TMSB15B: variants seen among roughly 807,000 people sequenced by gnomAD.
TMSB15B encodes the protein thymosin beta 15B, also known as thymosin beta-15B.
intron 1 of TMSB15B, among the ~76,000 whole-genome samples, chrX:103,920,216 T>C (rs2074948129): frequency 8.9e-6 from 1 of 111,902 alleles, no homozygotes; most frequent in Non-Finnish European, 1.9e-5. Flanking sequence ...GAAGCCAAAA[T>C]TTGGACCGAA....
intron 1 of TMSB15B, chrX:103,919,314 C>T (rs1393346623): frequency 8.9e-6 from 1 of 112,755 alleles, no homozygotes; most frequent in Non-Finnish European, 1.9e-5. Flanking sequence ...GCTACCCCGT[C>T]GCTTCCCTTC....
At chrX:103,945,575 C>A (rs1556327171) in intron 1 of TMSB15B, among the ~76,000 whole-genome samples, 1 of 112,214 alleles carries the variant, frequency 8.9e-6, no homozygotes, top group Non-Finnish European at 1.9e-5. Flanking sequence ...TTAAATATTC[C>A]ACCCCCTCTC....
At chrX:103,927,935 G>T (rs1556319177) in intron 1 of TMSB15B, among the ~76,000 whole-genome samples, 2 of 112,128 alleles carry the variant, frequency 1.8e-5, no homozygotes, top group African/African-American at 6.5e-5. Flanking sequence ...TTATATATCA[G>T]AAACTGGCTC....
chrX:103,943,605 A>G (rs1370516653), intron 1 of TMSB15B, among the ~76,000 whole-genome samples: 4 of 111,808 alleles, frequency 3.6e-5, no homozygotes, highest in African/African-American at 6.5e-5. Flanking sequence ...ATAAAATCCA[A>G]ACCACTTGGC....
chrX:103,938,059 A>G (rs1471676404), intron 1 of TMSB15B, among the ~76,000 whole-genome samples: 1 of 111,531 alleles, frequency 9.0e-6, no homozygotes, highest in Non-Finnish European at 1.9e-5. Context: ...GTTCTTTTGC[A>G]TTTGCTGAGG....
chrX:103,945,373 T>G (rs1280679387), intron 1 of TMSB15B, among the ~76,000 whole-genome samples: 1 of 111,789 alleles, frequency 8.9e-6, no homozygotes. Context: ...TGGCAAAACA[T>G]GGCAGAGAAA....
chrX:103,947,209 A>T (rs2075027821), intron 1 of TMSB15B, among the ~76,000 whole-genome samples: 1 of 112,149 alleles, frequency 8.9e-6, no homozygotes, highest in African/African-American at 3.2e-5. Context: ...TTAACTACAA[A>T]TTCACGACAA....
chrX:103,929,160 C>G (rs2074977798), intron 1 of TMSB15B: 1 of 426,469 alleles, frequency 2.3e-6, no homozygotes, highest in Admixed American at 4.3e-5. Flanking sequence ...AAGTTCCCAA[C>G]TACCAACCTG....
intron 1 of TMSB15B, chrX:103,928,329 C>T (rs2074974946): frequency 3.3e-6 from 4 of 1,205,650 alleles, no homozygotes; most frequent in Non-Finnish European, 4.5e-6. Context: ...AATACTTCTA[C>T]CGGGGAATCT....
chrX:103,919,876 C>T (rs1168999541), intron 1 of TMSB15B, among the ~76,000 whole-genome samples: 1 of 111,568 alleles, frequency 9.0e-6, no homozygotes, highest in African/African-American at 3.3e-5. Flanking sequence ...TAATTGTTTG[C>T]CCTGCAGCAT....
chrX:103,919,657 G>C (rs1556316967), intron 1 of TMSB15B: 1 of 112,163 alleles, frequency 8.9e-6, no homozygotes, highest in Non-Finnish European at 1.9e-5. Flanking sequence ...CCTCTATTCT[G>C]TTAGATTAAG....
At chrX:103,942,160 G>A (rs1450724898) in intron 1 of TMSB15B, among the ~76,000 whole-genome samples, 1 of 111,312 alleles carries the variant, frequency 9.0e-6, no homozygotes, top group Non-Finnish European at 1.9e-5. Flanking sequence ...AGTGCTTTTT[G>A]TGTCTTTTCA....
chrX:103,925,232 G>A (rs2074964903), intron 1 of TMSB15B, among the ~76,000 whole-genome samples: 1 of 112,267 alleles, frequency 8.9e-6, no homozygotes, highest in African/African-American at 3.2e-5. Flanking sequence ...TGAATGAAAT[G>A]TCTTGCCCAA....
chrX:103,927,402 T>C (rs1286087621), intron 1 of TMSB15B, among the ~76,000 whole-genome samples: 2 of 112,073 alleles, frequency 1.8e-5, no homozygotes, highest in Non-Finnish European at 3.8e-5. Context: ...ATTATATAGC[T>C]ACAGGTCTAC....
chrX:103,952,185 C>T (rs1602444321), intron 1 of TMSB15B, among the ~76,000 whole-genome samples: 1 of 111,545 alleles, frequency 9.0e-6, no homozygotes. Context: ...GTGAGTGCCA[C>T]CATGCCTAGC....
chrX:103,954,339 C>A (rs2075046086), intron 1 of TMSB15B, among the ~76,000 whole-genome samples: 1 of 112,127 alleles, frequency 8.9e-6, no homozygotes, highest in Non-Finnish European at 1.9e-5. Context: ...GGGCCCCAGC[C>A]TGGCCACACC....
chrX:103,946,438 G>A (rs2075025871), intron 1 of TMSB15B, among the ~76,000 whole-genome samples: 1 of 112,082 alleles, frequency 8.9e-6, no homozygotes, highest in African/African-American at 3.2e-5. Flanking sequence ...GACCATGATG[G>A]GTTGTCTTTC....
intron 1 of TMSB15B, among the ~76,000 whole-genome samples, chrX:103,941,518 T>G: frequency 8.9e-6 from 1 of 111,944 alleles, no homozygotes. Context: ...CCATCATCTG[T>G]CATTTTTTTG....
chrX:103,929,707 A>G (rs2074979098), intron 1 of TMSB15B, among the ~76,000 whole-genome samples: 1 of 111,273 alleles, frequency 9.0e-6, no homozygotes, highest in Non-Finnish European at 1.9e-5. Flanking sequence ...AAATAGAAAC[A>G]TTTGCTATAG....
Sources: allele counts gnomAD v4.1 joint callset (sites outside exome capture counted in the v4.1 genomes callset), GRCh38; gene constraint gnomAD v4.1.1; transcripts MANE v1.5; gene names NCBI Gene and HGNC (gene_info 2026-07-23, HGNC 2026-07-21).